The following MYBPC2 variants were observed in gnomAD, a reference collection of about 807,000 sequenced individuals.
MYBPC2 encodes myosin-binding protein C, fast-type.
Under a neutral mutation model 137.0 loss-of-function variants are expected in MYBPC2, and 122 were observed. The observed-to-expected ratio is 0.89, with a 90% confidence interval of 0.77 to 1.03. The LOEUF (loss-of-function observed/expected upper bound fraction) is 1.03, where lower values mean the gene tolerates loss of function less well. MYBPC2 is among the 50% of genes least tolerant of loss of function. MYBPC2 has a pLI of 0.00. For missense variants in MYBPC2, 1,500 were observed against 1,534.4 expected, an observed-to-expected ratio of 0.98 and a Z score of 0.37; for synonymous variants, 626 against 612.3, an observed-to-expected ratio of 1.02 and a Z score of -0.33.
rs182021018 is a variant in MYBPC2 at position 50,448,435 on chromosome 19, G to C, written c.1472+45G>C. Reference sequence around the variant, plus strand: ...AGTGGCTGGGGGTAGGGTGTGCATAGCAGTTAGCTTTAGCTGTGTAACAAG... The same window carrying C: ...AGTGGCTGGGGGTAGGGTGTGCATACCAGTTAGCTTTAGCTGTGTAACAAG... On this transcript the variant is annotated intron_variant, in intron 13 of 27. Coordinates refer to ENST00000357701, the MANE Select transcript of MYBPC2 (RefSeq NM_004533.4). The C allele has an allele frequency of 2.6e-3, 4,061 of 1,592,360 alleles. 7 individuals are homozygous for C. The highest frequency in any genetic ancestry group is 3.2e-3 in the Non-Finnish European group (3,792 of 1,169,250).
At chr19:50,461,161 A>T (rs578237627) in intron 24 of MYBPC2, among the ~76,000 whole-genome samples, 2 of 151,662 alleles carry the variant, frequency 1.3e-5, no homozygotes, top group Admixed American at 6.6e-5. Flanking sequence ...TGGCCACCAG[A>T]CCTGGCTAAT....
chr19:50,453,884 G>A, intron 16 of MYBPC2, 136 bp from the exon 17 acceptor site: 2 of 997,508 alleles, frequency 2.0e-6, no homozygotes, highest in South Asian at 1.7e-5. Flanking sequence ...AGGGCGAGGA[G>A]GGCAGTGGAG....
intron 26 of MYBPC2, 147 bp downstream of exon 26, chr19:50,462,183 A>AT: frequency 8.5e-7 from 1 of 1,175,948 alleles, no homozygotes; most frequent in South Asian, 1.8e-5. Flanking sequence ...TTTTTAATTG[A>AT]TTTTTGATTT....
rs1225111635 is a variant in MYBPC2, at chr19:50,435,894, G to GC, written c.196+35dup. The GC allele has an allele frequency of 6.4e-7, 1 of 1,559,056 alleles. No individual in the cohort carries two copies. The highest frequency in any genetic ancestry group is 8.7e-7 in the Non-Finnish European group (1 of 1,149,448). On this transcript the variant is annotated intron_variant, in intron 3 of 27. Coordinates refer to ENST00000357701, the MANE Select transcript of MYBPC2 (RefSeq NM_004533.4). This position sits in a 1 kb window ranked among gnomAD's most constrained non-coding sequence, Gnocchi z 4.8. ...GGAACCCGGGGGAGGAGGGGCTGCG[G>GC]CCCGGACTCCTGGGTCTGAGGGAGG...
intron 20 of MYBPC2, among the ~76,000 whole-genome samples, chr19:50,456,267 A>G (rs1176383224): frequency 7.6e-6 from 1 of 131,450 alleles, no homozygotes; most frequent in Non-Finnish European, 1.6e-5. Context: ...CCATCCCTCC[A>G]TTTGTCCATC....
In MYBPC2 at chr19:50,451,121, GC is replaced by G. The variant is rs1484236079; in HGVS notation, c.1580-156del. Among the ~76,000 whole-genome samples, 4 of 152,286 alleles carry G rather than the reference GC, an allele frequency of 2.6e-5. No individual in the cohort carries two copies. The South Asian group carries it at 8.3e-4, about 32-fold the overall frequency. On this transcript the variant is annotated intron_variant, in intron 14 of 27. Coordinates refer to ENST00000357701, the MANE Select transcript of MYBPC2 (RefSeq NM_004533.4). ...AGCGCTGAACTCGCTGCCACCTGCC[GC>G]CCGGGAGGAGGGGTGGCTCCTGGGC...
chr19:50,459,403 G>A, intron 23 of MYBPC2, 97 bp downstream of exon 23: 1 of 955,092 alleles, frequency 1.0e-6, no homozygotes, highest in East Asian at 3.9e-5. Flanking sequence ...AAGGAGGTGG[G>A]AGATGAAGGG....
Position 50,448,375 on chromosome 19 carries a change from T to C in MYBPC2, c.1457T>C (p.Ile486Thr), listed in dbSNP as rs771011091. 6.2e-7 allele frequency: 1 copy of C among 1,613,500 alleles called. No homozygotes were observed. The highest frequency in any genetic ancestry group is 2.2e-5 in the East Asian group (1 of 44,868). ...GTGCGGCCCAGCAAGAGGATCACCA[T>C]TTCCCATGTAGGCAGGTGAGGAGTG... ...VEVRPSKRITISHVGRFHKLV... is the reference protein window; with the variant it reads ...VEVRPSKRITTSHVGRFHKLV... The change falls in exon 13 of 28, where the codon ATT becomes ACT. Residue 486 changes from isoleucine (I) to threonine (T), a missense_variant. Ile to Thr is a moderately conservative substitution (Grantham distance 89). Coordinates refer to ENST00000357701, the MANE Select transcript of MYBPC2 (RefSeq NM_004533.4).
intron 15 of MYBPC2, 138 bp from the exon 16 acceptor site, chr19:50,451,726 G>A: frequency 7.7e-7 from 1 of 1,301,400 alleles, no homozygotes; most frequent in Non-Finnish European, 1.1e-6. Context: ...TACTGGGTCT[G>A]AGGGAGGAGG....
chr19:50,446,008 T>G lies in MYBPC2; in HGVS notation c.1262T>G (p.Val421Gly). 3 of 1,613,420 alleles carry G rather than the reference T, an allele frequency of 1.9e-6. No homozygotes were observed. The highest frequency in any genetic ancestry group is 2.5e-6 in the Non-Finnish European group (3 of 1,179,702). ...CAGGAGGACAGGGGTCGCTATCAGG[T>G]CATAACCAATGGCGGCCAGTGTGAG... ...VVQEDRGRYQ[V>G]ITNGGQCEAE... The change falls in exon 12 of 28, where the codon GTC becomes GGC. Residue 421 changes from valine to glycine, a missense_variant. Physicochemically the swap from Val to Gly is moderately radical, Grantham distance 109. Transcript: ENST00000357701.
chr19:50,461,342 G>T (rs1350692929), intron 24 of MYBPC2, among the ~76,000 whole-genome samples, 200 bp from the exon 25 acceptor site: 5 of 152,132 alleles, frequency 3.3e-5, no homozygotes, highest in African/African-American at 1.2e-4. Flanking sequence ...TGTCTGGGCC[G>T]ACTGTTTTGT....
chr19:50,449,621 A>G (rs148345521), intron 13 of MYBPC2, among the ~76,000 whole-genome samples: 26 of 152,352 alleles, frequency 1.7e-4, no homozygotes, highest in African/African-American at 5.5e-4. Context: ...GGCAGGGAAA[A>G]GCCTCTGGCC....
chr19:50,460,488 G>A (rs1359629745), intron 24 of MYBPC2, among the ~76,000 whole-genome samples: 1 of 152,100 alleles, frequency 6.6e-6, no homozygotes, highest in Admixed American at 6.5e-5. Context: ...TCCCCCAGAG[G>A]AAGCCCTGTA....
chr19:50,462,813 T>G (rs1013297035), intron 26 of MYBPC2, among the ~76,000 whole-genome samples: 3 of 152,144 alleles, frequency 2.0e-5, no homozygotes, highest in East Asian at 3.9e-4. Flanking sequence ...CCTCCCAAAG[T>G]GCTGGGATTA....
At position 50,464,149 on chromosome 19, in the gene MYBPC2, G is replaced by A. The variant is rs1033852916; in HGVS notation, c.3229-197G>A. 11 of 531,184 alleles carry A rather than the reference G, an allele frequency of 2.1e-5. 1 individual carries two copies. Among genetic ancestry groups the A allele is most frequent in the South Asian group, 4.2e-5 (2 of 47,332 alleles). The allele number at this position is 531,184 out of a possible 1,614,324, so 32.9% of individuals were successfully genotyped here. On this transcript the variant is annotated intron_variant, in intron 26 of 27. Transcript: ENST00000357701. ...CTGAGAGCAATGGGAAGACCCCACC[G>A]TTACCCTGTGAAGTGGGATTATCAA...
At chr19:50,440,554 T>C (rs1206902196) in intron 7 of MYBPC2, among the ~76,000 whole-genome samples, 1 of 150,698 alleles carries the variant, frequency 6.6e-6, no homozygotes, top group Non-Finnish European at 1.5e-5. Flanking sequence ...TCCCAGCTAC[T>C]CGGGAGGCTG....
chr19:50,450,700 C>T (rs1441813616), intron 13 of MYBPC2, 129 bp from the exon 14 acceptor site: 9 of 645,226 alleles, frequency 1.4e-5, no homozygotes, highest in Non-Finnish European at 2.2e-5. Flanking sequence ...TAGACCACAG[C>T]GTTCCAAAGC....
chr19:50,433,287 TG>T (rs539577885), intron 1 of MYBPC2, among the ~76,000 whole-genome samples: 303 of 151,860 alleles, frequency 2.0e-3, no homozygotes, highest in African/African-American at 6.9e-3. Context: ...TATAAGTGAT[TG>T]GGGGGGCATC....
chr19:50,453,244 T>C (rs2122603851), intron 16 of MYBPC2, among the ~76,000 whole-genome samples: 1 of 151,976 alleles, frequency 6.6e-6, no homozygotes, highest in African/African-American at 2.4e-5. Context: ...ATGAGCTACC[T>C]CACCCTGCTC....
Sources: gnomAD v4.1 joint callset for allele counts (sites outside exome capture counted in the v4.1 genomes callset) on GRCh38, gnomAD v4.1.1 for gene constraint, Gnocchi (gnomAD v3.1) non-coding constraint, MANE v1.5 for transcripts, NCBI Gene and HGNC (gene_info 2026-07-23, HGNC 2026-07-21) for gene names.